DLC1: variants seen among roughly 807,000 people sequenced by gnomAD.
The protein encoded by DLC1 is DLC1 Rho GTPase activating protein, also known as rho GTPase-activating protein 7.
Under a neutral mutation model 140.3 loss-of-function variants are expected in DLC1, and 54 were observed. The observed-to-expected ratio is 0.38, with a 90% CI of 0.31 to 0.48. The LOEUF is 0.48. Ranked by LOEUF, DLC1 falls within the 20% of genes least tolerant of loss-of-function variation. DLC1 has a pLI of 0.96. For missense variants in DLC1, 2,536 were observed against 1,907.0 expected, an observed-to-expected ratio of 1.33 and a Z score of -6.14; for synonymous variants, 986 against 728.1, an observed-to-expected ratio of 1.35 and a Z score of -5.70.
chr8:13,533,010 A>C (rs1039242325), intron 1 of DLC1, among the ~76,000 whole-genome samples: 4 of 152,222 alleles, frequency 2.6e-5, no homozygotes, highest in African/African-American at 9.6e-5. Flanking sequence ...CAATTAAAAA[A>C]TTTGGAACTA....
intron 1 of DLC1, among the ~76,000 whole-genome samples, chr8:13,592,732 C>A (rs1805558263): frequency 6.6e-6 from 1 of 152,090 alleles, no homozygotes; most frequent in Non-Finnish European, 1.5e-5. Context: ...CAGTGTTCAG[C>A]AGAGGACACT....
At chr8:13,195,299 A>G (rs892766444) in intron 5 of DLC1, among the ~76,000 whole-genome samples, 19 of 152,116 alleles carry the variant, frequency 1.2e-4, no homozygotes, top group South Asian at 6.2e-4. Flanking sequence ...TTTGTCAGCA[A>G]TTGGAGATGG....
intron 4 of DLC1, among the ~76,000 whole-genome samples, chr8:13,348,744 G>A (rs1005224935): frequency 6.6e-6 from 1 of 152,112 alleles, no homozygotes; most frequent in African/African-American, 2.4e-5. Context: ...GAAAAAAATG[G>A]AAGCGAAGGT....
chr8:13,485,599 T>A (rs942806333), intron 2 of DLC1, among the ~76,000 whole-genome samples: 1 of 152,184 alleles, frequency 6.6e-6, no homozygotes, highest in Admixed American at 6.5e-5. Context: ...TCTGTTGACA[T>A]CTCCTGAGTA....
chr8:13,506,232 CAT>C (rs756267743), intron 1 of DLC1, among the ~76,000 whole-genome samples: 2 of 151,970 alleles, frequency 1.3e-5, no homozygotes, highest in African/African-American at 2.4e-5. Flanking sequence ...TAAACACACA[CAT>C]ATATATAAAT....
intron 2 of DLC1, among the ~76,000 whole-genome samples, chr8:13,490,423 A>G (rs1309846132): frequency 1.3e-5 from 2 of 152,184 alleles, no homozygotes. Flanking sequence ...TATCTGTAGA[A>G]TAGAGATCTT....
At chr8:13,356,089 C>CAAAAAAA (rs372991073) in intron 4 of DLC1, among the ~76,000 whole-genome samples, 2 of 53,336 alleles carry the variant, frequency 3.7e-5, no homozygotes, top group African/African-American at 7.9e-5. Flanking sequence ...GACTCCATCT[C>CAAAAAAA]AAAAAAAAAA....
chr8:13,202,286 G>A (rs1827431393), intron 5 of DLC1, among the ~76,000 whole-genome samples: 1 of 152,044 alleles, frequency 6.6e-6, no homozygotes, highest in South Asian at 2.1e-4. Context: ...AATAAGTTTT[G>A]TTTTTAATTG....
intron 2 of DLC1, among the ~76,000 whole-genome samples, chr8:13,406,323 C>T (rs1209435107): frequency 1.3e-5 from 2 of 151,608 alleles, no homozygotes; most frequent in Non-Finnish European, 2.9e-5. Flanking sequence ...TGACCTTGCC[C>T]AGTTCTTTAA....
At chr8:13,120,356 A>AAAAAAAAAAAT in intron 5 of DLC1, among the ~76,000 whole-genome samples, 5 of 61,136 alleles carry the variant, frequency 8.2e-5, no homozygotes, top group African/African-American at 2.1e-4. Context: ...AAAAAAAAAA[A>AAAAAAAAAAAT]ATATATATAT....
At chr8:13,167,410 C>G (rs901752500) in intron 5 of DLC1, among the ~76,000 whole-genome samples, 1 of 152,146 alleles carries the variant, frequency 6.6e-6, no homozygotes, top group Admixed American at 6.5e-5. Flanking sequence ...GTGATCTGGA[C>G]CATGCCTCCT....
chr8:13,570,048 C>G, intron 1 of DLC1, among the ~76,000 whole-genome samples: 1 of 152,198 alleles, frequency 6.6e-6, no homozygotes, highest in East Asian at 1.9e-4. Context: ...TTTTCTAACA[C>G]ACAAATCTGT....
intron 1 of DLC1, among the ~76,000 whole-genome samples, chr8:13,537,479 A>G (rs943489744): frequency 1.3e-5 from 2 of 152,154 alleles, no homozygotes; most frequent in East Asian, 3.9e-4. Context: ...AAGTTGTTTT[A>G]TGCTATGAAT....
At chr8:13,183,823 G>A (rs559836654) in intron 5 of DLC1, among the ~76,000 whole-genome samples, 2 of 152,236 alleles carry the variant, frequency 1.3e-5, no homozygotes, top group South Asian at 4.2e-4. Flanking sequence ...GGATGATGCT[G>A]GCCTCATAAA....
At chr8:13,395,436 C>T (rs1466373804) in intron 3 of DLC1, among the ~76,000 whole-genome samples, 2 of 152,058 alleles carry the variant, frequency 1.3e-5, no homozygotes, top group Non-Finnish European at 2.9e-5. Context: ...TAATTCTTGT[C>T]TGTCTTCCTC....
chr8:13,421,394 A>G (rs897242204), intron 2 of DLC1, among the ~76,000 whole-genome samples: 6 of 152,220 alleles, frequency 3.9e-5, no homozygotes, highest in African/African-American at 1.4e-4. Context: ...ATTAGCAATT[A>G]TCTACTAAGT....
chr8:13,557,025 C>T (rs112676475), intron 1 of DLC1, among the ~76,000 whole-genome samples: 6 of 152,210 alleles, frequency 3.9e-5, no homozygotes, highest in African/African-American at 1.2e-4. Flanking sequence ...TTGTCATATG[C>T]ATATTCAGGG....
chr8:13,239,036 G>A (rs1829422708), intron 5 of DLC1, among the ~76,000 whole-genome samples: 1 of 152,154 alleles, frequency 6.6e-6, no homozygotes, highest in Non-Finnish European at 1.5e-5. Flanking sequence ...GTCAGGTTCT[G>A]AATATACAAT....
chr8:13,426,444 A>T (rs1838586277), intron 2 of DLC1, among the ~76,000 whole-genome samples: 1 of 152,156 alleles, frequency 6.6e-6, no homozygotes, highest in African/African-American at 2.4e-5. Context: ...TTATCTGAAT[A>T]GTTACCTCTG....
Sources: allele counts gnomAD v4.1 joint callset (sites outside exome capture counted in the v4.1 genomes callset), GRCh38; gene constraint gnomAD v4.1.1; transcripts MANE v1.5; gene names NCBI Gene and HGNC (gene_info 2026-07-23, HGNC 2026-07-21).